The following ITCH variants were observed in gnomAD, a reference collection of about 807,000 sequenced individuals.
ITCH encodes itchy E3 ubiquitin protein ligase, also known as E3 ubiquitin-protein ligase Itchy homolog.
In ITCH, 28 loss-of-function variants were observed where a neutral mutation model predicts 126.8. The observed-to-expected ratio is 0.22, with a 90% CI of 0.16 to 0.30. The LOEUF is 0.30. Among genes scored for constraint, ITCH ranks in the 10% least tolerant of loss-of-function variants. ITCH has a pLI of 1.00. For synonymous variants in ITCH, 342 were observed against 340.0 expected, an observed-to-expected ratio of 1.01 and a Z score of -0.06; for missense variants, 631 against 1,032.4, an observed-to-expected ratio of 0.61 and a Z score of 5.33.
intron 20 of ITCH, among the ~76,000 whole-genome samples, chr20:34,486,893 G>A (rs935277181): frequency 4.0e-5 from 6 of 151,640 alleles, no homozygotes; most frequent in Non-Finnish European, 8.8e-5. Context: ...TGTTGCCCAG[G>A]CTGGTCTTGA....
chr20:34,429,532 G>A (rs1367343975), intron 7 of ITCH, among the ~76,000 whole-genome samples: 2 of 152,044 alleles, frequency 1.3e-5, no homozygotes. Flanking sequence ...TGCTAGACCA[G>A]GGTCTACATT....
chr20:34,382,766 CAG>C (rs1435295026), intron 2 of ITCH, among the ~76,000 whole-genome samples: 10 of 105,624 alleles, frequency 9.5e-5, no homozygotes, highest in African/African-American at 3.7e-4. Context: ...TATTTTGAGA[CAG>C]AGTCTTGCCT....
chr20:34,462,232 T>A lies in ITCH; in HGVS notation c.1424+11T>A. 2 of 1,612,860 alleles carry A rather than the reference T, an allele frequency of 1.2e-6. No homozygotes were observed. Among genetic ancestry groups the A allele is most frequent in the Non-Finnish European group, 1.7e-6 (2 of 1,178,960 alleles). On this transcript the variant is annotated intron_variant, in intron 14 of 24. Transcript: ENST00000374864. Reference sequence around the variant, plus strand: ...AGGAAAATCTGCCCTGTAAGTTTTCTAAACATTGTAGATTAAGAGTAAAAT... The same window carrying A: ...AGGAAAATCTGCCCTGTAAGTTTTCAAAACATTGTAGATTAAGAGTAAAAT...
At chr20:34,435,017 A>G (rs922317131) in intron 7 of ITCH, among the ~76,000 whole-genome samples, 8 of 152,090 alleles carry the variant, frequency 5.3e-5, no homozygotes, top group African/African-American at 9.7e-5. Flanking sequence ...TGTCCTACCA[A>G]ATTATTAATT....
At chr20:34,421,026 A>G (rs1367454287) in intron 6 of ITCH, among the ~76,000 whole-genome samples, 3 of 152,160 alleles carry the variant, frequency 2.0e-5, no homozygotes, top group Non-Finnish European at 4.4e-5. Context: ...AAGGCTTTCT[A>G]ATCCATCTGA....
In ITCH at chr20:34,511,231, A is replaced by G. The variant is rs961128812; in HGVS notation, c.*3437A>G. The G allele has an allele frequency of 6.6e-6, 1 of 152,190 alleles. No homozygotes were observed. Among genetic ancestry groups the G allele is most frequent in the Non-Finnish European group, 1.5e-5 (1 of 68,040 alleles). 9.4% of individuals were successfully genotyped at this position (152,190 alleles called of 1,614,324 possible). On this transcript the variant is annotated 3_prime_UTR_variant, in exon 25 of 25. Coordinates refer to ENST00000374864, the MANE Select transcript of ITCH (RefSeq NM_031483.7). Reference sequence around the variant, plus strand: ...GCACTGGATTGTATATTACTGTATTAAGAGTACCTTTGTTTTCTTGATCTG... The same window carrying G: ...GCACTGGATTGTATATTACTGTATTGAGAGTACCTTTGTTTTCTTGATCTG...
chr20:34,498,519 G>C (rs1296571047), intron 23 of ITCH, among the ~76,000 whole-genome samples: 1 of 152,112 alleles, frequency 6.6e-6, no homozygotes, highest in Non-Finnish European at 1.5e-5. Context: ...TGCCTAACTT[G>C]TTGAGAGTTT....
At chr20:34,412,788 A>G in intron 5 of ITCH, 149 bp downstream of exon 5, 1 of 643,914 alleles carries the variant, frequency 1.6e-6, no homozygotes, top group Non-Finnish European at 2.7e-6. Context: ...ATTTTACACT[A>G]TTGAAAGTAT....
intron 3 of ITCH, among the ~76,000 whole-genome samples, chr20:34,406,975 G>C (rs1012264173): frequency 2.6e-5 from 4 of 152,050 alleles, no homozygotes; most frequent in East Asian, 1.9e-4. Flanking sequence ...CTGGGTGGTG[G>C]GTACTTCCTT....
chr20:34,399,285 G>A (rs994998978), intron 3 of ITCH, among the ~76,000 whole-genome samples: 1 of 151,978 alleles, frequency 6.6e-6, no homozygotes, highest in Non-Finnish European at 1.5e-5. Context: ...CCAGCTACTC[G>A]GGGGGCTGAG....
At chr20:34,416,628 GTTCT>G (rs1281238812) in intron 6 of ITCH, among the ~76,000 whole-genome samples, 1 of 151,988 alleles carries the variant, frequency 6.6e-6, no homozygotes, top group East Asian at 1.9e-4. Flanking sequence ...CACATTTTTG[GTTCT>G]TTCTTTTTGG....
At chr20:34,430,657 A>G (rs561725720) in intron 7 of ITCH, among the ~76,000 whole-genome samples, 2 of 152,232 alleles carry the variant, frequency 1.3e-5, no homozygotes, top group Non-Finnish European at 2.9e-5. Flanking sequence ...TATTTTTAGT[A>G]GAGATGGGGT....
Position 34,470,075 on chromosome 20 carries a change from T to G in ITCH, c.1452T>G (p.Val484=), listed in dbSNP as rs139765100. The G allele has an allele frequency of 4.5e-5, 72 of 1,614,056 alleles. No individual in the cohort carries two copies. In the African/African-American group the frequency reaches 8.9e-4, roughly 20 times the overall value. Residue 484 remains valine, a synonymous_variant, in exon 15 of 25, where the codon GTT becomes GTG. Coordinates refer to ENST00000374864, the MANE Select transcript of ITCH (RefSeq NM_031483.7). The part of the protein sequence containing the change: ...ALDNGPQIAY[V]RDFKAKVQYF... ...ACAATGGACCTCAGATAGCCTATGT[T>G]CGGGACTTCAAAGCAAAGGTTCAGT... is the stretch of plus-strand genomic sequence containing the variant.
chr20:34,458,308 C>G (rs1002461833), intron 13 of ITCH, among the ~76,000 whole-genome samples: 1 of 152,116 alleles, frequency 6.6e-6, no homozygotes, highest in Non-Finnish European at 1.5e-5. Flanking sequence ...CACATAATTA[C>G]AAGGACTTGC....
In ITCH at chr20:34,458,342, T is replaced by G. The variant is rs1047277940; in HGVS notation, c.1295+868T>G. On this transcript the variant is annotated intron_variant, in intron 13 of 24. Coordinates refer to ENST00000374864, the MANE Select transcript of ITCH (RefSeq NM_031483.7). Reference sequence around the variant, plus strand: ...GCTAATTTATTAATAAAGAGATATATGTACATTATCACAAAGGTCTCCCTT... The same window carrying G: ...GCTAATTTATTAATAAAGAGATATAGGTACATTATCACAAAGGTCTCCCTT... Among the ~76,000 whole-genome samples the G allele has an allele frequency of 3.9e-5, 6 of 152,210 alleles. No homozygotes were observed. The East Asian group carries it at 1.2e-3, about 29-fold the overall frequency.
chr20:34,447,396 A>G (rs553481866), intron 11 of ITCH, among the ~76,000 whole-genome samples: 3 of 152,284 alleles, frequency 2.0e-5, no homozygotes, highest in South Asian at 2.1e-4. Context: ...TTTAAAAATG[A>G]TGGGGTGTTG....
At chr20:34,395,835 T>A (rs1318520325) in intron 3 of ITCH, among the ~76,000 whole-genome samples, 1 of 152,182 alleles carries the variant, frequency 6.6e-6, no homozygotes, top group African/African-American at 2.4e-5. Flanking sequence ...ATTTTAAAAA[T>A]CCATTCTTCA....
intron 3 of ITCH, chr20:34,401,566 A>G (rs2146110172): frequency 2.5e-6 from 2 of 800,016 alleles, no homozygotes; most frequent in Non-Finnish European, 3.0e-6. Context: ...AACTTTCTAA[A>G]AGGAGTATGT....
intron 6 of ITCH, among the ~76,000 whole-genome samples, chr20:34,416,614 C>A (rs1979890785): frequency 1.3e-5 from 2 of 152,154 alleles, no homozygotes; most frequent in Admixed American, 6.6e-5. Flanking sequence ...ACTGTACTTA[C>A]AGACACATTT....
Sources: gnomAD v4.1 joint callset for allele counts (sites outside exome capture counted in the v4.1 genomes callset) on GRCh38, gnomAD v4.1.1 for gene constraint, MANE v1.5 for transcripts, NCBI Gene and HGNC (gene_info 2026-07-23, HGNC 2026-07-21) for gene names.